The following WDFY3 variants were observed in gnomAD, a reference collection of about 807,000 sequenced individuals.
WDFY3 encodes the protein WD repeat and FYVE domain-containing protein 3.
In WDFY3, 66 loss-of-function variants were observed where a neutral mutation model predicts 409.6. The observed-to-expected ratio is 0.16, with a 90% CI of 0.13 to 0.20. The LOEUF (loss-of-function observed/expected upper bound fraction) is 0.20. Ranked by LOEUF, WDFY3 falls within the 10% of genes least tolerant of loss-of-function variation. The pLI is 1.00. For synonymous variants in WDFY3, 1,521 were observed against 1,537.1 expected (o/e 0.99, Z 0.25); for missense variants, 3,031 against 4,298.1 (o/e 0.71, Z 8.24).
chr4:84,778,684 T>C, intron 26 of WDFY3, 29 bp from the exon 27 acceptor site: 3 of 1,592,428 alleles, frequency 1.9e-6, no homozygotes, highest in Non-Finnish European at 2.6e-6. Context: ...AAATGCCTGT[T>C]GATAAATCAT....
chr4:84,801,631 A>C lies in WDFY3; in HGVS notation c.2822+19T>G, dbSNP rs754400967. On this transcript the variant is annotated intron_variant, in intron 17 of 67. Coordinates refer to ENST00000295888, the MANE Select transcript of WDFY3 (RefSeq NM_014991.6). ...GACATTACTAATTGTGGACTATTTG[A>C]GTATGAAAGAGAACTTACCTCAACA... 1.3e-6 allele frequency: 2 copies of C among 1,590,138 alleles called. No individual in the cohort carries two copies. Among genetic ancestry groups the C allele is most frequent in the Non-Finnish European group, 1.7e-6 (2 of 1,164,752 alleles).
chr4:84,742,957 T>G (rs1417254060), intron 37 of WDFY3, among the ~76,000 whole-genome samples: 1 of 152,192 alleles, frequency 6.6e-6, no homozygotes, highest in African/African-American at 2.4e-5. Flanking sequence ...TGTGTCTTTG[T>G]GTAGTATGAC....
Position 84,715,927 on chromosome 4 carries a change from T to C in WDFY3, c.7876-544A>G, listed in dbSNP as rs565273977. Among the ~76,000 whole-genome samples, 4 of 151,556 alleles carry C rather than the reference T, an allele frequency of 2.6e-5. No individual in the cohort carries two copies. In the South Asian group the frequency reaches 8.3e-4, roughly 31 times the overall value. ...AGTAACAGAATAAAAAAAGTAATTA[T>C]AATTTTATAATTATAATTTTATAAA... On this transcript the variant is annotated intron_variant, in intron 49 of 67. Transcript: ENST00000295888.
intron 13 of WDFY3, 22 bp from the exon 14 acceptor site, chr4:84,810,366 A>G (rs1195984213): frequency 6.7e-7 from 1 of 1,496,068 alleles, no homozygotes; most frequent in Non-Finnish European, 8.9e-7. Context: ...AAAAGAAAAA[A>G]CAAATGAAAA....
At chr4:84,751,824 G>T in intron 35 of WDFY3, 108 bp from the exon 36 acceptor site, 2 of 1,166,356 alleles carry the variant, frequency 1.7e-6, no homozygotes, top group Non-Finnish European at 2.5e-6. Flanking sequence ...CACCTATTAA[G>T]CTATTCAGCA....
intron 36 of WDFY3, among the ~76,000 whole-genome samples, chr4:84,749,481 G>A (rs1048663522): frequency 6.6e-6 from 1 of 152,256 alleles, no homozygotes; most frequent in South Asian, 2.1e-4. Flanking sequence ...CTTACTTAAT[G>A]TCATTGACAG....
At position 84,709,031 on chromosome 4, in the gene WDFY3, G is replaced by A; in HGVS notation, c.8098-3C>T. On this transcript the variant is annotated splice_polypyrimidine_tract_variant and splice_region_variant and intron_variant, in intron 52 of 67. Transcript: ENST00000295888. ...TGGAAGTTGCTGATTTCACCTCTCT[G>A]GAAAAAGATAAATATTCATTTTTGA... The A allele has an allele frequency of 1.2e-6, 2 of 1,612,266 alleles. No individual in the cohort carries two copies. Among genetic ancestry groups the A allele is most frequent in the East Asian group, 4.5e-5 (2 of 44,824 alleles).
At chr4:84,846,363 A>G (rs922111952) in intron 5 of WDFY3, among the ~76,000 whole-genome samples, 4 of 151,928 alleles carry the variant, frequency 2.6e-5, no homozygotes, top group Admixed American at 6.6e-5. Context: ...TTTAAACTTA[A>G]AAGTTAAAAA....
At chr4:84,954,473 C>A (rs1326701165) in intron 1 of WDFY3, among the ~76,000 whole-genome samples, 1 of 152,018 alleles carries the variant, frequency 6.6e-6, no homozygotes, top group Non-Finnish European at 1.5e-5. Context: ...CAAAAAGACT[C>A]CAGGCTTTAA....
intron 67 of WDFY3, among the ~76,000 whole-genome samples, chr4:84,675,718 A>T (rs1726157521): frequency 6.6e-6 from 1 of 152,160 alleles, no homozygotes; most frequent in Non-Finnish European, 1.5e-5. Context: ...TATGCTTTCT[A>T]TGAAAGCATC....
At chr4:84,786,636 A>C (rs2149518961) in intron 23 of WDFY3, among the ~76,000 whole-genome samples, 1 of 152,326 alleles carries the variant, frequency 6.6e-6, no homozygotes, top group South Asian at 2.1e-4. Context: ...ATCACTTAAA[A>C]GCTGTGCGAC....
intron 3 of WDFY3, among the ~76,000 whole-genome samples, chr4:84,872,887 A>C (rs2150327873): frequency 6.6e-6 from 1 of 152,344 alleles, no homozygotes; most frequent in Admixed American, 6.5e-5. Flanking sequence ...GCAGTAGCTA[A>C]ATTAATTTTA....
chr4:84,835,846 T>G (rs1447598014), intron 7 of WDFY3, among the ~76,000 whole-genome samples: 2 of 152,214 alleles, frequency 1.3e-5, no homozygotes, highest in South Asian at 2.1e-4. Flanking sequence ...TTACTTCTCC[T>G]TCCTATCTAC....
At chr4:84,965,025 T>TAA (rs1212367259) in intron 1 of WDFY3, among the ~76,000 whole-genome samples, 1 of 152,232 alleles carries the variant, frequency 6.6e-6, no homozygotes, top group Non-Finnish European at 1.5e-5. Flanking sequence ...TTCCTATACT[T>TAA]AAGAGTCTCA....
chr4:84,677,961 C>CAAAAAAAA (rs986393073), intron 66 of WDFY3, among the ~76,000 whole-genome samples: 9 of 21,168 alleles, frequency 4.3e-4, no homozygotes, highest in Non-Finnish European at 5.6e-4. Context: ...GACCCTGTCT[C>CAAAAAAAA]AAAAAAAAAA....
chr4:84,942,653 C>T (rs943308639), intron 1 of WDFY3, among the ~76,000 whole-genome samples: 2 of 152,204 alleles, frequency 1.3e-5, no homozygotes, highest in Non-Finnish European at 2.9e-5. Context: ...CTAGTTGCTG[C>T]ATATCCTTAC....
chr4:84,726,761 T>C, intron 45 of WDFY3, 100 bp downstream of exon 45: 1 of 1,032,914 alleles, frequency 9.7e-7, no homozygotes, highest in East Asian at 2.5e-5. Context: ...AGCCAATCTT[T>C]TAAGTTAGTC....
chr4:84,850,928 GTTTTTTTTTTTTTTTTTTTTTTTTTTT>G (rs869074191), intron 4 of WDFY3, among the ~76,000 whole-genome samples: 10 of 46,220 alleles, frequency 2.2e-4, no homozygotes, highest in Non-Finnish European at 3.1e-4. Context: ...TTATTTATCT[GTTTTTTTTTTTTTTTTTTTTTTTTTTT>G]TTTTTTTTTT....
chr4:84,825,464 T>C (rs1754725336), intron 10 of WDFY3, among the ~76,000 whole-genome samples: 1 of 151,588 alleles, frequency 6.6e-6, no homozygotes, highest in Non-Finnish European at 1.5e-5. Flanking sequence ...ACTCCCGGGC[T>C]CAAAAGATCC....
Sources: allele counts gnomAD v4.1 joint callset (sites outside exome capture counted in the v4.1 genomes callset), GRCh38; gene constraint gnomAD v4.1.1; transcripts MANE v1.5; gene names NCBI Gene and HGNC (gene_info 2026-07-23, HGNC 2026-07-21).